Variants in COPA observed in about 807,000 individuals in gnomAD.
COPA encodes coat protein complex I subunit alpha, also known as coatomer subunit alpha.
Under a neutral mutation model 158.7 loss-of-function variants are expected in COPA, and 10 were observed. The ratio of observed to expected loss-of-function variants is 0.06; its 90% confidence interval spans 0.04 to 0.11. COPA has a LOEUF of 0.11. COPA is among the 10% of genes least tolerant of loss of function. The pLI is 1.00. For synonymous variants in COPA, 462 were observed against 542.8 expected, an observed-to-expected ratio of 0.85 and a Z score of 2.07; for missense variants, 1,065 against 1,536.7, an observed-to-expected ratio of 0.69 and a Z score of 5.13.
intron 8 of COPA, chr1:160,317,718 AT>A (rs1012601825): frequency 6.3e-5 from 89 of 1,403,092 alleles, no homozygotes; most frequent in Admixed American, 1.5e-4. Flanking sequence ...TATTCTTTTT[AT>A]TTTTTTTCTT....
chr1:160,293,641 T>C (rs1158717695), intron 25 of COPA, among the ~76,000 whole-genome samples, 178 bp from the exon 26 acceptor site: 1 of 152,006 alleles, frequency 6.6e-6, no homozygotes, highest in Non-Finnish European at 1.5e-5. Context: ...ACTGCAGGCA[T>C]GAGTCACCAC....
intron 5 of COPA, 111 bp from the exon 6 acceptor site, chr1:160,332,668 G>A (rs1253727170): frequency 9.1e-6 from 6 of 657,790 alleles, no homozygotes; most frequent in Non-Finnish European, 1.5e-5. Context: ...TACTTTTATG[G>A]AGACAAAGGC....
At chr1:160,332,399 G>C (rs1311320188) in intron 6 of COPA, 49 bp downstream of exon 6, 5 of 1,350,292 alleles carry the variant, frequency 3.7e-6, no homozygotes, top group Admixed American at 2.0e-5. Flanking sequence ...AGCAATTGCA[G>C]TTTTGCACCA....
intron 8 of COPA, among the ~76,000 whole-genome samples, chr1:160,321,571 T>C (rs572127879): frequency 6.6e-6 from 1 of 152,244 alleles, no homozygotes; most frequent in Non-Finnish European, 1.5e-5. Flanking sequence ...GCAGATCACT[T>C]GAGGTCAAGA....
In COPA at chr1:160,293,391, T is replaced by C. The variant is rs751116790; in HGVS notation, c.2749A>G (p.Thr917Ala). The part of the protein sequence containing the change: ...FVPPTKGTSP[T>A]QIWCNNSQLP... ...CTAGGTTTCTTCCCGCTTACCTGAG[T>C]TGGACTTGTTCCCTTGGTTGGGGGC... Residue 917 changes from threonine to alanine, a missense_variant, in exon 26 of 33, where the codon ACT becomes GCT. Physicochemically the swap from Thr to Ala is moderately conservative, Grantham distance 58 (BLOSUM62 0). This residue lies in a region of COPA where 980 missense variants were observed against 1,357.8 expected (regional missense o/e 0.72). Transcript: ENST00000241704. 85 of 1,613,436 alleles carry C rather than the reference T, an allele frequency of 5.3e-5. No homozygotes were observed. In the South Asian group the frequency reaches 9.0e-4, roughly 17 times the overall value.
intron 25 of COPA, 81 bp downstream of exon 25, chr1:160,294,403 A>T: frequency 8.2e-7 from 1 of 1,214,838 alleles, no homozygotes; most frequent in Non-Finnish European, 1.2e-6. Context: ...AGACCTGAGG[A>T]TAGTGGTAGG....
chr1:160,298,212 A>G (rs1401367739), intron 19 of COPA, among the ~76,000 whole-genome samples: 1 of 151,964 alleles, frequency 6.6e-6, no homozygotes, highest in African/African-American at 2.4e-5. Flanking sequence ...AAGAAAATCC[A>G]GTGAACACAT....
chr1:160,333,635 T>C lies in COPA; in HGVS notation c.354A>G (p.Arg118=), dbSNP rs752734591. 6.2e-7 allele frequency: 1 copy of C among 1,613,520 alleles called. No homozygotes were observed. Among genetic ancestry groups the C allele is most frequent in the East Asian group, 2.2e-5 (1 of 44,886 alleles). Residue 118 remains arginine (R), a synonymous_variant, in exon 5 of 33, where the codon CGA becomes CGG. Coordinates refer to ENST00000241704, the MANE Select transcript of COPA (RefSeq NM_004371.4). ...ILSASDDQTI[R]VWNWQSRTCV... Reference sequence around the variant, plus strand: ...AGGTTCTAGATTGCCAGTTCCACACTCGGATGGTCTGATCATCGGAGGCAC... The same window carrying C: ...AGGTTCTAGATTGCCAGTTCCACACCCGGATGGTCTGATCATCGGAGGCAC...
intron 14 of COPA, 104 bp from the exon 15 acceptor site, chr1:160,306,597 A>G: frequency 6.9e-7 from 1 of 1,452,268 alleles, no homozygotes; most frequent in Non-Finnish European, 9.6e-7. Flanking sequence ...CAATTAACTA[A>G]GTATTTTTTG....
chr1:160,309,012 G>T, intron 13 of COPA, 89 bp downstream of exon 13: 1 of 1,029,442 alleles, frequency 9.7e-7, no homozygotes. Flanking sequence ...GCCATGGCTT[G>T]GGGATGGAAT....
chr1:160,338,911 G>A (rs1019867190), intron 3 of COPA, among the ~76,000 whole-genome samples: 4 of 151,986 alleles, frequency 2.6e-5, no homozygotes, highest in Middle Eastern at 3.2e-3. Flanking sequence ...CCTTCATGAC[G>A]ACAAATCACA....
At chr1:160,308,863 G>A (rs1018557630) in intron 13 of COPA, 3 of 453,286 alleles carry the variant, frequency 6.6e-6, no homozygotes, top group Admixed American at 3.9e-5. Flanking sequence ...AGAGAGAATG[G>A]AGAGTTTCTA....
intron 6 of COPA, among the ~76,000 whole-genome samples, chr1:160,331,178 G>A (rs896237144): frequency 1.3e-5 from 2 of 152,054 alleles, no homozygotes; most frequent in Admixed American, 6.6e-5. Context: ...GGTCTCACAG[G>A]TACAGTCCAT....
At position 160,299,159 on chromosome 1, in the gene COPA, G is replaced by A. The variant is rs188975148; in HGVS notation, c.1773C>T (p.Thr591=). 6.2e-7 allele frequency: 1 copy of A among 1,614,180 alleles called. No individual in the cohort carries two copies. The highest frequency in any genetic ancestry group is 2.2e-5 in the East Asian group (1 of 44,888). ...TGAATTTGAACTCAGTGGGATCAATGGTGAGTACCCGGGGACGACACTCCC... is the reference window on the plus strand; with the variant it reads ...TGAATTTGAACTCAGTGGGATCAATAGTGAGTACCCGGGGACGACACTCCC... ...LDRECRPRVL[T]IDPTEFKFKL... Residue 591 remains threonine, a synonymous_variant, in exon 18 of 33, where the codon ACC becomes ACT. Transcript: ENST00000241704.
chr1:160,312,722 C>T (rs1389077143), intron 10 of COPA, among the ~76,000 whole-genome samples: 1 of 152,168 alleles, frequency 6.6e-6, no homozygotes, highest in Non-Finnish European at 1.5e-5. Context: ...CTTTGGTGTT[C>T]CTTAGCATGT....
rs1350737367 is a variant in COPA at position 160,293,575 on chromosome 1, ACCTCTG to A, written c.2677-118_2677-113del. The A allele has an allele frequency of 8.9e-6, 7 of 784,026 alleles. No individual in the cohort carries two copies. In the Admixed American group the frequency reaches 1.9e-4, roughly 21 times the overall value. The allele number at this position is 784,026 out of a possible 1,614,324, so 48.6% of individuals were successfully genotyped here. ...AGAGGCATGATCTCGGCACACTGCA[ACCTCTG>A]CCTCCCATGCTCAAGCAATCCTCCA... On this transcript the variant is annotated intron_variant, in intron 25 of 32. Transcript: ENST00000241704.
intron 6 of COPA, among the ~76,000 whole-genome samples, chr1:160,331,004 T>G (rs887396622): frequency 1.3e-5 from 2 of 151,406 alleles, no homozygotes; most frequent in African/African-American, 4.9e-5. Flanking sequence ...TGAAACCCTG[T>G]CTCTACTAAA....
intron 18 of COPA, 43 bp downstream of exon 18, chr1:160,299,059 T>C: frequency 6.2e-7 from 1 of 1,600,156 alleles, no homozygotes; most frequent in Non-Finnish European, 8.5e-7. Flanking sequence ...AAAAAAAGAG[T>C]GCTGCCTCTC....
chr1:160,337,719 A>G (rs1290294563), intron 3 of COPA, among the ~76,000 whole-genome samples: 1 of 127,428 alleles, frequency 7.8e-6, no homozygotes, highest in Non-Finnish European at 1.8e-5. Flanking sequence ...ACTCCATCGC[A>G]AAAAACAAAC....
Sources: gnomAD v4.1 joint callset for allele counts (sites outside exome capture counted in the v4.1 genomes callset) on GRCh38, gnomAD v4.1.1 for gene constraint, gnomAD v4.1.1 regional missense constraint, MANE v1.5 for transcripts, NCBI Gene and HGNC (gene_info 2026-07-23, HGNC 2026-07-21) for gene names.